The following CRIM1 variants were observed in gnomAD, a reference collection of about 807,000 sequenced individuals.
The protein encoded by CRIM1 is cysteine-rich motor neuron 1 protein.
Under a neutral mutation model 116.4 loss-of-function variants are expected in CRIM1, and 32 were observed. The ratio of observed to expected loss-of-function variants is 0.27; its 90% CI spans 0.21 to 0.37. The LOEUF (loss-of-function observed/expected upper bound fraction) is 0.37. Among genes scored for constraint, CRIM1 ranks in the 10% least tolerant of loss-of-function variants. The pLI is 1.00. For missense variants in CRIM1, 1,331 were observed against 1,354.8 expected (o/e 0.98, Z 0.28); for synonymous variants, 590 against 509.2 (o/e 1.16, Z -2.13).
intron 1 of CRIM1, among the ~76,000 whole-genome samples, chr2:36,387,862 T>G (rs1295162370): frequency 6.6e-6 from 1 of 152,198 alleles, no homozygotes; most frequent in Non-Finnish European, 1.5e-5. Context: ...TTTTTGTTGC[T>G]TTTACTTTCT....
At chr2:36,515,588 A>G (rs1664986609) in intron 11 of CRIM1, among the ~76,000 whole-genome samples, 1 of 152,196 alleles carries the variant, frequency 6.6e-6, no homozygotes, top group African/African-American at 2.4e-5. Context: ...ATACATGAGT[A>G]TCTCCCGAAC....
At chr2:36,463,010 AC>A (rs1480548941) in intron 4 of CRIM1, among the ~76,000 whole-genome samples, 1 of 152,172 alleles carries the variant, frequency 6.6e-6, no homozygotes, top group African/African-American at 2.4e-5. Context: ...AAACAGGCAA[AC>A]CTTTACTTGA....
chr2:36,379,501 T>C (rs1204223772), intron 1 of CRIM1, among the ~76,000 whole-genome samples: 1 of 152,206 alleles, frequency 6.6e-6, no homozygotes, highest in African/African-American at 2.4e-5. Flanking sequence ...CTGACAACAG[T>C]GCGGCCTTCC....
chr2:36,461,686 A>T (rs1406736724), intron 4 of CRIM1, among the ~76,000 whole-genome samples: 1 of 152,226 alleles, frequency 6.6e-6, no homozygotes, highest in Non-Finnish European at 1.5e-5. Context: ...ATTTGTAGAT[A>T]TAACAGACTT....
rs746293769 is a variant in CRIM1, at chr2:36,479,637, G to A, written c.1315G>A (p.Gly439Arg). ...GERHCVATVC[G>R]QTCTNPVKVP... ...ACGCCACTGCGTTGCGACCGTCTGC[G>A]GACAGACCTGCACAAACCCTGTGAA... Residue 439 changes from glycine to arginine, a missense_variant, in exon 7 of 17, where the codon GGA (glycine) becomes AGA (arginine). By Grantham distance (125) the Gly-to-Arg change is moderately radical. Around this residue, in one of 3 missense-constraint regions of CRIM1, gnomAD observed 690 missense variants for 676.0 expected, o/e 1.02. Transcript: ENST00000280527. 29 of 1,614,094 alleles carry A rather than the reference G, an allele frequency of 1.8e-5. No homozygotes were observed. The highest frequency in any genetic ancestry group is 6.7e-5 in the Admixed American group (4 of 60,004).
chr2:36,543,162 A>G (rs1300521574), intron 14 of CRIM1, among the ~76,000 whole-genome samples: 1 of 152,192 alleles, frequency 6.6e-6, no homozygotes, highest in South Asian at 2.1e-4. Context: ...TTGGAATCAC[A>G]GAACTGCATT....
chr2:36,410,545 A>AT lies in CRIM1; in HGVS notation c.505+13768dup, dbSNP rs565417272. Among the ~76,000 whole-genome samples, 938 of 149,708 alleles carry AT rather than the reference A, an allele frequency of 6.3e-3. 9 individuals are homozygous for AT. The highest frequency in any genetic ancestry group is 0.021 in the African/African-American group (843 of 40,790). ...TCTTTTCACCCAGTTTAGAAAGTGG[A>AT]TTTTTTTTTTCTCTTTAAAATGTGT... On this transcript the variant is annotated intron_variant, in intron 2 of 16. Transcript: ENST00000280527.
intron 4 of CRIM1, among the ~76,000 whole-genome samples, chr2:36,453,307 T>C (rs1413865887): frequency 6.6e-6 from 1 of 152,244 alleles, no homozygotes; most frequent in Non-Finnish European, 1.5e-5. Flanking sequence ...TTGTAAATTA[T>C]TCTTTCCTGA....
chr2:36,358,692 T>C (rs956557583), intron 1 of CRIM1, among the ~76,000 whole-genome samples: 1 of 152,214 alleles, frequency 6.6e-6, no homozygotes, highest in African/African-American at 2.4e-5. Context: ...TATATCTCAA[T>C]TAGTTTCTCT....
chr2:36,420,823 G>A (rs374872144), intron 2 of CRIM1, among the ~76,000 whole-genome samples: 3 of 152,182 alleles, frequency 2.0e-5, no homozygotes, highest in African/African-American at 7.2e-5. Context: ...GGAATACGTC[G>A]TGGGGTTGGT....
At chr2:36,462,673 G>A (rs770644897) in intron 4 of CRIM1, among the ~76,000 whole-genome samples, 17 of 152,026 alleles carry the variant, frequency 1.1e-4, no homozygotes, top group African/African-American at 3.6e-4. Flanking sequence ...CTATTCTTGC[G>A]GGATGCTTTC....
chr2:36,419,273 A>G (rs1353400296), intron 2 of CRIM1, among the ~76,000 whole-genome samples: 2 of 152,218 alleles, frequency 1.3e-5, no homozygotes, highest in South Asian at 2.1e-4. Context: ...TAAAACATAC[A>G]TATACTTTTG....
In CRIM1 at chr2:36,442,659, C is replaced by G; in HGVS notation, c.793C>G (p.Gln265Glu). ...CRTVECPPVQQTACPPDSYET... is the reference protein window; with the variant it reads ...CRTVECPPVQETACPPDSYET... Reference sequence around the variant, plus strand: ...GACTGTGGAATGCCCTCCTGTTCAGCAGACCGCGTGTCCCCCGGACAGCTA... The same window carrying G: ...GACTGTGGAATGCCCTCCTGTTCAGGAGACCGCGTGTCCCCCGGACAGCTA... The change falls in exon 4 of 17, where the codon CAG (glutamine) becomes GAG (glutamate). Residue 265 changes from glutamine to glutamate, a missense_variant. By Grantham distance (29) the Gln-to-Glu change is conservative. This residue lies in a region of CRIM1 where 690 missense variants were observed against 676.0 expected (regional missense o/e 1.02). Transcript: ENST00000280527. 1 of 1,614,176 alleles carries G rather than the reference C, an allele frequency of 6.2e-7. No homozygotes were observed. The highest frequency in any genetic ancestry group is 8.5e-7 in the Non-Finnish European group (1 of 1,180,014).
Position 36,537,485 on chromosome 2 carries a change from C to T in CRIM1, c.2562C>T (p.Cys854=), listed in dbSNP as rs200640425. The change falls in exon 14 of 17, where the codon TGC becomes TGT. Residue 854 remains cysteine (C), a synonymous_variant. Transcript: ENST00000280527. ...AGACCCTCTGCTCGACCGTCAGCTGCCCCCCTCTGCCCTGTGTTGAGCCCA... is the reference window on the plus strand; with the variant it reads ...AGACCCTCTGCTCGACCGTCAGCTGTCCCCCTCTGCCCTGTGTTGAGCCCA... ...QGQTLCSTVS[C]PPLPCVEPIN... is the part of the protein sequence containing the mutation. 3 of 1,613,992 alleles carry T rather than the reference C, an allele frequency of 1.9e-6. No individual in the cohort carries two copies. Among genetic ancestry groups the T allele is most frequent in the Admixed American group, 1.7e-5 (1 of 60,008 alleles).
At chr2:36,529,194 T>A (rs920776793) in intron 13 of CRIM1, 2 of 471,138 alleles carry the variant, frequency 4.2e-6, no homozygotes, top group African/African-American at 4.0e-5. Context: ...GTCAAGGATA[T>A]GGGGGAAGAC....
chr2:36,424,340 A>G (rs1674292893), intron 2 of CRIM1, among the ~76,000 whole-genome samples: 1 of 152,198 alleles, frequency 6.6e-6, no homozygotes, highest in African/African-American at 2.4e-5. Context: ...TGAGAGTGGG[A>G]ACCATGTATT....
chr2:36,396,998 G>C (rs113986517), intron 2 of CRIM1, among the ~76,000 whole-genome samples: 1 of 152,174 alleles, frequency 6.6e-6, no homozygotes, highest in African/African-American at 2.4e-5. Context: ...GTGGTGGTGT[G>C]AGCAGGGCCC....
At chr2:36,406,567 T>G (rs1672811845) in intron 2 of CRIM1, among the ~76,000 whole-genome samples, 1 of 151,892 alleles carries the variant, frequency 6.6e-6, no homozygotes, top group African/African-American at 2.4e-5. Flanking sequence ...GGCCAGGACT[T>G]AGTGTTTTAA....
At chr2:36,539,071 C>T (rs1245740347) in intron 14 of CRIM1, among the ~76,000 whole-genome samples, 1 of 152,172 alleles carries the variant, frequency 6.6e-6, no homozygotes, top group Non-Finnish European at 1.5e-5. Context: ...AGGCAGCTAA[C>T]AGGTAAACAG....
Sources: allele counts gnomAD v4.1 joint callset (sites outside exome capture counted in the v4.1 genomes callset), GRCh38; gene constraint gnomAD v4.1.1; regional missense constraint gnomAD v4.1.1; transcripts MANE v1.5; gene names NCBI Gene and HGNC (gene_info 2026-07-23, HGNC 2026-07-21).